The following HTR1E variants were observed in gnomAD, a reference collection of about 807,000 sequenced individuals.
HTR1E encodes 5-hydroxytryptamine receptor 1E.
A neutral mutation model predicts 3.4 loss-of-function variants in HTR1E; 3 were observed. The observed-to-expected ratio is 0.89, with a 90% CI of 0.41 to 2.31. The LOEUF is 2.31. HTR1E is among the 30% of genes most tolerant of loss of function. The pLI is 0.05. For missense variants in HTR1E, 392 were observed against 467.0 expected (o/e 0.84, Z 1.48); for synonymous variants, 170 against 182.8 (o/e 0.93, Z 0.56).
intron 1 of HTR1E, among the ~76,000 whole-genome samples, chr6:86,967,310 T>TG (rs1418890796): frequency 6.6e-6 from 1 of 152,200 alleles, no homozygotes; most frequent in East Asian, 1.9e-4. Flanking sequence ...CCATTATTAA[T>TG]GCCACCAAGA....
chr6:86,980,737 T>C (rs1468415027), intron 1 of HTR1E, among the ~76,000 whole-genome samples: 2 of 152,218 alleles, frequency 1.3e-5, no homozygotes, highest in East Asian at 3.8e-4. Flanking sequence ...GTTTCATAGC[T>C]TTGGCAGTAC....
chr6:86,947,809 A>T lies in HTR1E; in HGVS notation c.-186+9986A>T, dbSNP rs559147242. ...GGATGAACTGTAAGAAATATAGTTA[A>T]TAATTGAATTCAGATTTTTTAAATC... On this transcript the variant is annotated intron_variant, in intron 1 of 1. Coordinates refer to ENST00000305344, the MANE Select transcript of HTR1E (RefSeq NM_000865.3). 1.6e-4 allele frequency among the ~76,000 whole-genome samples: 25 copies of T among 152,348 alleles called. No individual in the cohort carries two copies. In the East Asian group the frequency reaches 4.2e-3, roughly 26 times the overall value.
rs567986634 is a variant in HTR1E, at chr6:86,995,718, A to G, written c.-185-19432A>G. 1.9e-3 allele frequency among the ~76,000 whole-genome samples: 281 copies of G among 150,234 alleles called. 1 individual carries two copies. Among genetic ancestry groups the G allele is most frequent in the South Asian group, 0.017 (78 of 4,714 alleles). On this transcript the variant is annotated intron_variant, in intron 1 of 1. Transcript: ENST00000305344. ...AAAAAAAAAAAAGAAAACATGACCC[A>G]ACTATATGCTGTCTGCAAAAAACTC...
At chr6:86,994,195 G>A (rs1428743327) in intron 1 of HTR1E, among the ~76,000 whole-genome samples, 3 of 152,168 alleles carry the variant, frequency 2.0e-5, no homozygotes, top group Non-Finnish European at 2.9e-5. Context: ...AAGGGAGAAA[G>A]AAGACGGGGC....
Position 87,015,527 on chromosome 6 carries a change from G to C in HTR1E, c.193G>C (p.Ala65Pro). The C allele has an allele frequency of 6.2e-7, 1 of 1,612,874 alleles. No individual in the cohort carries two copies. Among genetic ancestry groups the C allele is most frequent in the Non-Finnish European group, 8.5e-7 (1 of 1,179,310 alleles). Residue 65 changes from alanine (A) to proline (P), a missense_variant, in exon 2 of 2, where the codon GCC becomes CCC. By Grantham distance (27) the Ala-to-Pro change is conservative. Around this residue, in one of 3 missense-constraint regions of HTR1E, gnomAD observed 189 missense variants for 258.0 expected, o/e 0.73. Coordinates refer to ENST00000305344, the MANE Select transcript of HTR1E (RefSeq NM_000865.3). ...QPANYLICSL[A>P]VTDLLVAVLV... Reference sequence around the variant, plus strand: ...TGCCAACTACCTAATCTGTTCTCTGGCCGTGACGGACCTCCTGGTGGCAGT... The same window carrying C: ...TGCCAACTACCTAATCTGTTCTCTGCCCGTGACGGACCTCCTGGTGGCAGT...
intron 1 of HTR1E, among the ~76,000 whole-genome samples, chr6:87,003,607 T>A (rs1278036243): frequency 2.0e-5 from 3 of 149,142 alleles, no homozygotes; most frequent in Non-Finnish European, 4.5e-5. Flanking sequence ...AAACACAACA[T>A]ATCAAAACCT....
At chr6:87,013,305 C>T (rs1357848904) in intron 1 of HTR1E, among the ~76,000 whole-genome samples, 3 of 152,148 alleles carry the variant, frequency 2.0e-5, no homozygotes, top group Non-Finnish European at 2.9e-5. Context: ...TGAGGAGCAG[C>T]GTACACTAAC....
Position 86,981,782 on chromosome 6 carries a change from A to G in HTR1E, c.-185-33368A>G, listed in dbSNP as rs146168605. 1.3e-4 allele frequency among the ~76,000 whole-genome samples: 20 copies of G among 152,380 alleles called. No homozygotes were observed. In the East Asian group the frequency reaches 3.9e-3, roughly 29 times the overall value. ...TCTCCAATTTACTGGTCTCAAAGAA[A>G]TCAAGTAAATTAACCAAAGACACTA... On this transcript the variant is annotated intron_variant, in intron 1 of 1. Coordinates refer to ENST00000305344, the MANE Select transcript of HTR1E (RefSeq NM_000865.3).
chr6:86,967,421 T>C (rs1767485765), intron 1 of HTR1E, among the ~76,000 whole-genome samples: 1 of 152,186 alleles, frequency 6.6e-6, no homozygotes. Context: ...TTTATTTAGT[T>C]AGGAATACAT....
chr6:86,946,040 A>G (rs1011584824), intron 1 of HTR1E, among the ~76,000 whole-genome samples: 5 of 152,122 alleles, frequency 3.3e-5, no homozygotes, highest in Non-Finnish European at 7.4e-5. Context: ...CACCCGGCCT[A>G]ATTAAAAAGT....
intron 1 of HTR1E, among the ~76,000 whole-genome samples, chr6:87,005,313 G>A (rs577751783): frequency 2.0e-5 from 3 of 152,190 alleles, no homozygotes; most frequent in South Asian, 2.1e-4. Flanking sequence ...AAAACTGGAC[G>A]AATAACATTA....
intron 1 of HTR1E, among the ~76,000 whole-genome samples, chr6:86,978,971 G>A (rs1767676161): frequency 1.3e-5 from 2 of 152,284 alleles, no homozygotes; most frequent in South Asian, 2.1e-4. Flanking sequence ...GAGAGTCTTG[G>A]AGAATTCTGA....
chr6:86,941,303 A>C (rs913546290), intron 1 of HTR1E, among the ~76,000 whole-genome samples: 1 of 152,224 alleles, frequency 6.6e-6, no homozygotes, highest in African/African-American at 2.4e-5. Flanking sequence ...GGATCACAAC[A>C]AATTGATAAA....
intron 1 of HTR1E, among the ~76,000 whole-genome samples, chr6:86,980,489 A>G (rs1396489608): frequency 1.3e-5 from 2 of 152,182 alleles, no homozygotes; most frequent in Non-Finnish European, 2.9e-5. Context: ...CACGGCCCAT[A>G]TAACAGTACA....
intron 1 of HTR1E, among the ~76,000 whole-genome samples, chr6:86,945,823 C>T (rs759833141): frequency 5.9e-5 from 9 of 151,784 alleles, no homozygotes; most frequent in Non-Finnish European, 8.8e-5. Context: ...CTGCAACGTC[C>T]GCCTCCCCAG....
At chr6:86,942,123 G>C (rs923505258) in intron 1 of HTR1E, among the ~76,000 whole-genome samples, 5 of 152,160 alleles carry the variant, frequency 3.3e-5, no homozygotes, top group Admixed American at 2.6e-4. Flanking sequence ...AAACATGCCT[G>C]AGAGGTATAA....
At chr6:86,999,343 T>C (rs527271325) in intron 1 of HTR1E, among the ~76,000 whole-genome samples, 3 of 152,022 alleles carry the variant, frequency 2.0e-5, no homozygotes, top group East Asian at 3.9e-4. Flanking sequence ...CCTCTAACAA[T>C]ACAAAAAAAT....
At chr6:86,990,677 C>T (rs1251411582) in intron 1 of HTR1E, among the ~76,000 whole-genome samples, 1 of 152,142 alleles carries the variant, frequency 6.6e-6, no homozygotes, top group Non-Finnish European at 1.5e-5. Context: ...TTCCCCAGAA[C>T]TAAAGGCTAC....
intron 1 of HTR1E, among the ~76,000 whole-genome samples, chr6:87,009,611 G>A (rs1455454663): frequency 1.5e-4 from 22 of 148,784 alleles, no homozygotes; most frequent in African/African-American, 5.3e-4. Context: ...CCGGGCAGAG[G>A]GGCTCCTCAC....
Sources: allele counts gnomAD v4.1 joint callset (sites outside exome capture counted in the v4.1 genomes callset), GRCh38; gene constraint gnomAD v4.1.1; regional missense constraint gnomAD v4.1.1; transcripts MANE v1.5; gene names NCBI Gene and HGNC (gene_info 2026-07-23, HGNC 2026-07-21).